Variants in C10orf90 observed in about 807,000 individuals in gnomAD.
C10orf90 encodes the protein chromosome 10 open reading frame 90, also known as (E2-independent) E3 ubiquitin-conjugating enzyme FATS.
C10orf90 carries 56 observed loss-of-function variants against 62.5 expected under a neutral mutation model. The ratio of observed to expected loss-of-function variants is 0.90; its 90% confidence interval spans 0.72 to 1.12. C10orf90 has a LOEUF of 1.12. C10orf90 is among the 50% of genes most tolerant of loss of function. The pLI is 0.00. For synonymous variants in C10orf90, 386 were observed against 340.4 expected (o/e 1.13, Z -1.47); for missense variants, 970 against 880.4 (o/e 1.10, Z -1.29).
At chr10:126,430,574 A>G (rs907024472) in intron 7 of C10orf90, among the ~76,000 whole-genome samples, 1 of 152,326 alleles carries the variant, frequency 6.6e-6, no homozygotes, top group African/African-American at 2.4e-5. Flanking sequence ...TCAAATTCCC[A>G]TGAGACACTT....
intron 1 of C10orf90, among the ~76,000 whole-genome samples, chr10:126,666,977 C>T (rs867088103): frequency 3.4e-5 from 5 of 144,940 alleles, no homozygotes; most frequent in South Asian, 2.2e-4. Context: ...GAGACCCTGT[C>T]TCAAAAAAAA....
chr10:126,506,144 A>G (rs1385341586), intron 3 of C10orf90, among the ~76,000 whole-genome samples: 1 of 152,240 alleles, frequency 6.6e-6, no homozygotes, highest in African/African-American at 2.4e-5. Flanking sequence ...GTATTTTTAA[A>G]TGACCAAGGT....
chr10:126,458,892 A>G (rs971658785), intron 7 of C10orf90, 148 bp downstream of exon 7: 14 of 839,324 alleles, frequency 1.7e-5, no homozygotes, highest in Middle Eastern at 3.6e-4. Context: ...AGGATTTATG[A>G]TGCTGAGGGT....
intron 1 of C10orf90, among the ~76,000 whole-genome samples, chr10:126,665,155 A>C (rs1591185464): frequency 6.6e-6 from 1 of 152,132 alleles, no homozygotes; most frequent in South Asian, 2.1e-4. Flanking sequence ...TTTGTGAAAC[A>C]GCCTTTTCTC....
In C10orf90 at chr10:126,434,005, A is replaced by G. The variant is rs117205902; in HGVS notation, c.2189-4155T>C. 1.1e-3 allele frequency among the ~76,000 whole-genome samples: 161 copies of G among 152,310 alleles called. 3 individuals are homozygous for G. In the East Asian group the frequency reaches 0.029, roughly 27 times the overall value. The stretch of plus-strand genomic sequence containing the variant: ...AATTGCCTATTTCTATATTTCTGGA[A>G]AATACTTTTTTCCCCAAAAAGTCTT... On this transcript the variant is annotated intron_variant, in intron 7 of 9. Coordinates refer to ENST00000488181, the MANE Select transcript of C10orf90 (RefSeq NM_001350921.2).
At position 126,597,500 on chromosome 10, in the gene C10orf90, G is replaced by A. The variant is rs796321212; in HGVS notation, c.313+49065C>T. Among the ~76,000 whole-genome samples, 7 of 152,292 alleles carry A rather than the reference G, an allele frequency of 4.6e-5. 1 individual carries two copies. Among genetic ancestry groups the A allele is most frequent in the African/African-American group, 1.4e-4 (6 of 41,564 alleles). ...TAATGAGCCTGGATTTGTTCCAAGG[G>A]CAAGAAAAACTGATGCAGCAGATGA... On this transcript the variant is annotated intron_variant, in intron 2 of 9. Transcript: ENST00000488181.
At chr10:126,565,085 A>T (rs865822566) in intron 2 of C10orf90, among the ~76,000 whole-genome samples, 2 of 24,198 alleles carry the variant, frequency 8.3e-5, no homozygotes, top group Non-Finnish European at 1.6e-4. Flanking sequence ...AATATATAAA[A>T]TATATATTAT....
At chr10:126,652,099 CAAT>C (rs1846302368) in intron 1 of C10orf90, among the ~76,000 whole-genome samples, 1 of 152,152 alleles carries the variant, frequency 6.6e-6, no homozygotes, top group South Asian at 2.1e-4. Context: ...TCTTCTGCAA[CAAT>C]AATTAATGTC....
At chr10:126,525,091 A>G (rs1863895790) in intron 2 of C10orf90, among the ~76,000 whole-genome samples, 2 of 152,186 alleles carry the variant, frequency 1.3e-5, no homozygotes, top group African/African-American at 2.4e-5. Context: ...AGGGAGATCC[A>G]TGCTGCAACA....
In C10orf90 at chr10:126,581,685, C is replaced by A. The variant is rs189192817; in HGVS notation, c.313+64880G>T. The stretch of plus-strand genomic sequence containing the variant: ...AAACGTAGACACAGCACCCAGGTGT[C>A]TTATGTGGCCTTGTAAAATATGCTG... On this transcript the variant is annotated intron_variant, in intron 2 of 9. Transcript: ENST00000488181. Among the ~76,000 whole-genome samples, 198 of 152,310 alleles carry A rather than the reference C, an allele frequency of 1.3e-3. 1 individual carries two copies. Among genetic ancestry groups the A allele is most frequent in the Middle Eastern group, 0.01 (3 of 294 alleles).
chr10:126,528,924 T>C (rs12256602), intron 2 of C10orf90, among the ~76,000 whole-genome samples: 1 of 152,100 alleles, frequency 6.6e-6, no homozygotes, highest in Non-Finnish European at 1.5e-5. Flanking sequence ...AAGGCAGACG[T>C]AGCCAGGGAT....
chr10:126,439,050 C>T (rs1858124829), intron 7 of C10orf90, among the ~76,000 whole-genome samples: 1 of 152,198 alleles, frequency 6.6e-6, no homozygotes, highest in Admixed American at 6.5e-5. Context: ...CGCCTATCAG[C>T]CAGACCCAGT....
chr10:126,657,230 G>C (rs1258622658), intron 1 of C10orf90, among the ~76,000 whole-genome samples: 1 of 152,140 alleles, frequency 6.6e-6, no homozygotes, highest in African/African-American at 2.4e-5. Context: ...TTCACAATTT[G>C]TACAACCATC....
At chr10:126,604,703 T>A (rs1341806412) in intron 2 of C10orf90, among the ~76,000 whole-genome samples, 2 of 152,216 alleles carry the variant, frequency 1.3e-5, no homozygotes, top group African/African-American at 2.4e-5. Context: ...GAGATTCTGA[T>A]AAGAAACACA....
chr10:126,626,271 C>G (rs77577959), intron 2 of C10orf90, among the ~76,000 whole-genome samples: 3,028 of 152,288 alleles, frequency 0.02, 100 homozygotes, highest in African/African-American at 0.069. Context: ...CTGTCCACCC[C>G]CTCAGGACAG....
intron 2 of C10orf90, among the ~76,000 whole-genome samples, chr10:126,558,464 G>A (rs181514961): frequency 6.6e-6 from 1 of 152,300 alleles, no homozygotes; most frequent in Non-Finnish European, 1.5e-5. Context: ...GCACTAACGA[G>A]CTGTTGAAAT....
chr10:126,526,649 T>C (rs1199204459), intron 2 of C10orf90, among the ~76,000 whole-genome samples: 3 of 152,216 alleles, frequency 2.0e-5, no homozygotes, highest in Non-Finnish European at 2.9e-5. Flanking sequence ...CACCAAGTTA[T>C]GCAACCATCA....
At chr10:126,464,584 G>A in intron 5 of C10orf90, 112 bp downstream of exon 5, 1 of 1,177,700 alleles carries the variant, frequency 8.5e-7, no homozygotes. Context: ...TGGAGAAGGG[G>A]AGGTTTCATC....
Position 126,459,110 on chromosome 10 carries a change from C to A in C10orf90, c.2118G>T (p.Leu706=). 1 of 1,614,160 alleles carries A rather than the reference C, an allele frequency of 6.2e-7. No homozygotes were observed. Among genetic ancestry groups the A allele is most frequent in the East Asian group, 2.2e-5 (1 of 44,878 alleles). The part of the protein sequence containing the change: ...QQRKAQRKED[L]RQKQSLLPIR... Reference sequence around the variant, plus strand: ...TGGGAAGGAGGCTCTGCTTCTGCCTCAGGTCCTCCTTCCGCTGGGCTTTCC... The same window carrying A: ...TGGGAAGGAGGCTCTGCTTCTGCCTAAGGTCCTCCTTCCGCTGGGCTTTCC... The change falls in exon 7 of 10, where the codon CTG becomes CTT. Residue 706 remains leucine, a synonymous_variant. Transcript: ENST00000488181.
Sources: allele counts gnomAD v4.1 joint callset (sites outside exome capture counted in the v4.1 genomes callset), GRCh38; gene constraint gnomAD v4.1.1; transcripts MANE v1.5; gene names NCBI Gene and HGNC (gene_info 2026-07-23, HGNC 2026-07-21).